SORL1: variants seen among roughly 807,000 people sequenced by gnomAD.
SORL1 encodes the protein sortilin related receptor 1, also known as sortilin-related receptor.
SORL1 carries 127 observed loss-of-function variants against 273.7 expected under a neutral mutation model. The observed-to-expected ratio is 0.46, with a 90% CI of 0.40 to 0.54. The LOEUF is 0.54. Among genes scored for constraint, SORL1 ranks in the 20% least tolerant of loss-of-function variants. The pLI, the probability that SORL1 is intolerant of heterozygous loss-of-function variation, is 0.00. For missense variants in SORL1, 2,494 were observed against 2,846.1 expected (o/e 0.88, Z 2.81); for synonymous variants, 1,031 against 1,067.4 (o/e 0.97, Z 0.66).
chr11:121,503,543 T>C (rs1280396827), intron 6 of SORL1, among the ~76,000 whole-genome samples: 3 of 151,996 alleles, frequency 2.0e-5, no homozygotes, highest in African/African-American at 7.3e-5. Flanking sequence ...GGCTGGAATA[T>C]AGTGGCATGG....
intron 45 of SORL1, 98 bp from the exon 46 acceptor site, chr11:121,624,987 A>T: frequency 1.2e-6 from 1 of 841,050 alleles, no homozygotes; most frequent in East Asian, 2.6e-5. Context: ...CGTCTGTAGC[A>T]GCCCACAGTG....
At position 121,631,335 on chromosome 11, in the gene SORL1, C is replaced by A. The variant is rs554501835; in HGVS notation, c.*1772C>A. ...GTGGTAATGATAAGCCTTCTTCTAG[C>A]GTATTTTCTCTTCTTTCCTGTCACT... On this transcript the variant is annotated 3_prime_UTR_variant, in exon 48 of 48. Coordinates refer to ENST00000260197, the MANE Select transcript of SORL1 (RefSeq NM_003105.6). 6.7e-6 allele frequency: 1 copy of A among 149,466 alleles called. No individual in the cohort carries two copies. Among genetic ancestry groups the A allele is most frequent in the Non-Finnish European group, 1.5e-5 (1 of 67,444 alleles). 9.3% of individuals were successfully genotyped at this position (149,466 alleles called of 1,614,324 possible). A position where few individuals can be genotyped will look rare whatever the true frequency, so the allele number is the denominator to read the frequency against.
chr11:121,575,254 C>T lies in SORL1; in HGVS notation c.3460+891C>T, dbSNP rs150926892. On this transcript the variant is annotated intron_variant, in intron 24 of 47. Coordinates refer to ENST00000260197, the MANE Select transcript of SORL1 (RefSeq NM_003105.6). ...CTAATCCTCCACTATTTCTGTTGCA[C>T]AGTACCTCCTTGTCAGTTTCATGAG... Among the ~76,000 whole-genome samples, 339 of 152,352 alleles carry T rather than the reference C, an allele frequency of 2.2e-3. 2 individuals are homozygous for T. The highest frequency in any genetic ancestry group is 7.7e-3 in the African/African-American group (319 of 41,578).
chr11:121,626,960 T>C (rs1426787186), intron 46 of SORL1: 1 of 153,560 alleles, frequency 6.5e-6, no homozygotes, highest in East Asian at 1.9e-4. Flanking sequence ...CGAAACGGCT[T>C]TGCAAATAAC....
At chr11:121,609,316 A>T (rs966329430) in intron 38 of SORL1, 3 of 152,342 alleles carry the variant, frequency 2.0e-5, no homozygotes, top group African/African-American at 7.2e-5. Context: ...GTGCCACCAG[A>T]TGGTCTTTGG....
chr11:121,574,251 C>T lies in SORL1; in HGVS notation c.3348C>T (p.Ile1116=). ...TCTATCCCATTTTAGCTACCACCAT[C>T]TGTGACCTGGACACCCAGTTTCGTT... ...MSDERNCPTT[I]CDLDTQFRCQ... is the part of the protein sequence containing the mutation. Residue 1116 remains isoleucine (I), a synonymous_variant, in exon 24 of 48, where the codon ATC becomes ATT. Transcript: ENST00000260197. The T allele has an allele frequency of 6.2e-7, 1 of 1,613,948 alleles. No individual in the cohort carries two copies. The highest frequency in any genetic ancestry group is 8.5e-7 in the Non-Finnish European group (1 of 1,179,806).
chr11:121,535,138 G>A (rs1335305254), intron 12 of SORL1, among the ~76,000 whole-genome samples: 1 of 151,560 alleles, frequency 6.6e-6, no homozygotes, highest in African/African-American at 2.4e-5. Context: ...CCGAGCTAGT[G>A]TGCCAATTGC....
Position 121,550,081 on chromosome 11 carries a change from A to C in SORL1, c.2173A>C (p.Thr725Pro), listed in dbSNP as rs1862485070. 6.2e-7 allele frequency: 1 copy of C among 1,612,872 alleles called. No individual in the cohort carries two copies. The highest frequency in any genetic ancestry group is 8.5e-7 in the Non-Finnish European group (1 of 1,179,418). The change falls in exon 15 of 48, where the codon ACG becomes CCG. Residue 725 changes from threonine to proline, a missense_variant. Physicochemically the swap from Thr to Pro is conservative, Grantham distance 38. Around this residue, in one of 3 missense-constraint regions of SORL1, gnomAD observed 710 missense variants for 882.5 expected, o/e 0.80. Transcript: ENST00000260197. This position sits in a 1 kb window ranked among gnomAD's most constrained non-coding sequence, Gnocchi z 5.3. The stretch of plus-strand genomic sequence containing the variant: ...CCCTGTGGGTTCTACTTACAGGAGA[A>C]CGAGAGGGTATGTATCACAGAGGTT... ...PCPVGSTYRR[T>P]RGYRKISGDT... is the part of the protein sequence containing the mutation.
chr11:121,478,959 C>T (rs1368535835), intron 3 of SORL1, among the ~76,000 whole-genome samples: 3 of 145,476 alleles, frequency 2.1e-5, no homozygotes, highest in Admixed American at 6.8e-5. Context: ...TACCTGCGTG[C>T]GTGCGCATGC....
chr11:121,580,185 T>C (rs774465323), intron 25 of SORL1, among the ~76,000 whole-genome samples: 27 of 152,258 alleles, frequency 1.8e-4, no homozygotes, highest in Non-Finnish European at 3.8e-4. Flanking sequence ...AAGACAACTC[T>C]GGGAAGTTAC....
Position 121,590,143 on chromosome 11 carries a change from T to C in SORL1, c.4182T>C (p.Cys1394=), listed in dbSNP as rs1403422708. Residue 1394 remains cysteine (C), a synonymous_variant, in exon 30 of 48, where the codon TGT becomes TGC. Transcript: ENST00000260197. The part of the protein sequence containing the change: ...NRWKCDREND[C]GDWSDEKDCG... ...GGAAATGTGACAGGGAGAACGACTG[T>C]GGGGACTGGTCTGATGAGAAGGATT... 3 of 1,614,044 alleles carry C rather than the reference T, an allele frequency of 1.9e-6. No individual in the cohort carries two copies. The African/African-American group carries it at 4.0e-5, about 22-fold the overall frequency.
intron 8 of SORL1, among the ~76,000 whole-genome samples, chr11:121,517,698 G>T (rs1007707714): frequency 6.6e-6 from 1 of 152,124 alleles, no homozygotes; most frequent in Non-Finnish European, 1.5e-5. Context: ...TTGCCTGAGC[G>T]CACAGTCCAG....
chr11:121,594,629 G>A (rs776204523), intron 31 of SORL1, among the ~76,000 whole-genome samples: 9 of 152,022 alleles, frequency 5.9e-5, no homozygotes, highest in Non-Finnish European at 1.2e-4. Flanking sequence ...AACGTATTAA[G>A]GATATTTGTT....
intron 22 of SORL1, 101 bp downstream of exon 22, chr11:121,567,214 G>A: frequency 9.6e-7 from 1 of 1,040,904 alleles, no homozygotes; most frequent in Non-Finnish European, 1.4e-6. Flanking sequence ...ACCTTTTCGT[G>A]TTATTGGAAA....
At chr11:121,463,234 T>C (rs1314133892) in intron 1 of SORL1, among the ~76,000 whole-genome samples, 1 of 150,528 alleles carries the variant, frequency 6.6e-6, no homozygotes, top group Non-Finnish European at 1.5e-5. Context: ...TTCTCTGAGA[T>C]TCTTTCTGGC....
intron 6 of SORL1, among the ~76,000 whole-genome samples, chr11:121,501,733 A>AT (rs1350971793): frequency 1.3e-5 from 2 of 152,110 alleles, no homozygotes; most frequent in Non-Finnish European, 2.9e-5. Flanking sequence ...ACCCGCCCCC[A>AT]TGATTCAGTT....
At position 121,601,589 on chromosome 11, in the gene SORL1, T is replaced by A. The variant is rs1423024263; in HGVS notation, c.4520-2604T>A. 2.6e-5 allele frequency among the ~76,000 whole-genome samples: 4 copies of A among 151,310 alleles called. No homozygotes were observed. The East Asian group carries it at 7.7e-4, about 29-fold the overall frequency. On this transcript the variant is annotated intron_variant, in intron 32 of 47. Coordinates refer to ENST00000260197, the MANE Select transcript of SORL1 (RefSeq NM_003105.6). ...TCCTGACTTTTTAATGATTGTTTTT[T>A]TTTTTTTTTTTAAGAAACAGGGTCT...
chr11:121,540,734 A>G (rs1257047307), intron 12 of SORL1, among the ~76,000 whole-genome samples: 2 of 152,194 alleles, frequency 1.3e-5, no homozygotes. Flanking sequence ...GATACAAGCT[A>G]TGCTTGGTCA....
chr11:121,583,421 GA>G (rs761535867), intron 25 of SORL1, 36 bp from the exon 26 acceptor site: 1 of 1,592,194 alleles, frequency 6.3e-7, no homozygotes, highest in South Asian at 1.1e-5. Flanking sequence ...GGATGGAGAT[GA>G]GGGGTGTGCG....
Sources: gnomAD v4.1 joint callset for allele counts (sites outside exome capture counted in the v4.1 genomes callset) on GRCh38, gnomAD v4.1.1 for gene constraint, gnomAD v4.1.1 regional missense constraint, Gnocchi (gnomAD v3.1) non-coding constraint, MANE v1.5 for transcripts, NCBI Gene and HGNC (gene_info 2026-07-23, HGNC 2026-07-21) for gene names.